The following CCDC110 variants were observed in gnomAD, a reference collection of about 807,000 sequenced individuals.
The protein encoded by CCDC110 is coiled-coil domain containing 110, also known as coiled-coil domain-containing protein 110.
Under a neutral mutation model 77.1 loss-of-function variants are expected in CCDC110, and 70 were observed. The observed-to-expected ratio is 0.91, with a 90% CI of 0.75 to 1.11. The LOEUF (loss-of-function observed/expected upper bound fraction) is 1.11. Among genes scored for constraint, CCDC110 ranks in the 50% least tolerant of loss-of-function variants. The pLI, the probability that CCDC110 is intolerant of heterozygous loss-of-function variation, is 0.00. For missense variants in CCDC110, 868 were observed against 942.9 expected (o/e 0.92, Z 1.04); for synonymous variants, 295 against 312.5 (o/e 0.94, Z 0.59).
intron 2 of CCDC110, among the ~76,000 whole-genome samples, chr4:185,465,263 C>T (rs1029528507): frequency 2.6e-5 from 4 of 152,160 alleles, no homozygotes; most frequent in African/African-American, 9.7e-5. Flanking sequence ...TACAGATTTC[C>T]TTTCATTAGG....
chr4:185,454,344 C>T (rs2095633163), intron 6 of CCDC110, among the ~76,000 whole-genome samples: 1 of 152,150 alleles, frequency 6.6e-6, no homozygotes, highest in Non-Finnish European at 1.5e-5. Flanking sequence ...ATATATTATC[C>T]TCCCTCCCCC....
intron 5 of CCDC110, among the ~76,000 whole-genome samples, chr4:185,460,557 C>T (rs1004665130): frequency 2.0e-5 from 3 of 152,144 alleles, no homozygotes; most frequent in Non-Finnish European, 4.4e-5. Flanking sequence ...AAGATGGAAC[C>T]GATAGGTCAA....
intron 1 of CCDC110, 49 bp from the exon 2 acceptor site, chr4:185,471,098 G>A (rs759699091): frequency 3.1e-4 from 267 of 870,308 alleles, no homozygotes; most frequent in Non-Finnish European, 4.3e-4. Context: ...GTGGCGTGGC[G>A]GGGCTGAAGG....
Position 185,458,722 on chromosome 4 carries a change from A to G in CCDC110, c.1865T>C (p.Leu622Ser), listed in dbSNP as rs766240554. 1.2e-6 allele frequency: 2 copies of G among 1,603,990 alleles called. No individual in the cohort carries two copies. Among genetic ancestry groups the G allele is most frequent in the African/African-American group, 2.7e-5 (2 of 74,156 alleles). Residue 622 changes from leucine (L) to serine (S), a missense_variant, in exon 6 of 7, where the codon TTG becomes TCG. By Grantham distance (145) the Leu-to-Ser change is moderately radical. Coordinates refer to ENST00000307588, the MANE Select transcript of CCDC110 (RefSeq NM_152775.4). ...EIIQLKEKER[L>S]AKTEQETLLQ... ...AAGTGTCTCTTGTTCCGTTTTTGCC[A>G]ATCTTTCTTTCTCTTTTAGCTGGAT...
Position 185,463,059 on chromosome 4 carries a change from A to T in CCDC110, c.116-10T>A. On this transcript the variant is annotated splice_polypyrimidine_tract_variant and intron_variant, in intron 2 of 6. Coordinates refer to ENST00000307588, the MANE Select transcript of CCDC110 (RefSeq NM_152775.4). ...GCTATGCAGCCATATTCTAAGAAGC[A>T]AAATTGAAAAACCATGTGACTTAAT... is the stretch of plus-strand genomic sequence containing the variant. 1 of 1,607,008 alleles carries T rather than the reference A, an allele frequency of 6.2e-7. No homozygotes were observed. The highest frequency in any genetic ancestry group is 8.5e-7 in the Non-Finnish European group (1 of 1,174,838).
At chr4:185,471,444 G>A (rs1459813332) in intron 1 of CCDC110, 3 of 486,690 alleles carry the variant, frequency 6.2e-6, no homozygotes, top group East Asian at 3.7e-5. Flanking sequence ...CCGAGGGCGC[G>A]CTGGGCGGGC....
chr4:185,453,722 T>C (rs1023302847), intron 6 of CCDC110, among the ~76,000 whole-genome samples: 13 of 151,940 alleles, frequency 8.6e-5, no homozygotes, highest in African/African-American at 3.1e-4. Flanking sequence ...TTTTTCAAAT[T>C]TTCTGTGGAG....
At chr4:185,448,212 G>A (rs2095620077) in intron 6 of CCDC110, among the ~76,000 whole-genome samples, 2 of 152,030 alleles carry the variant, frequency 1.3e-5, no homozygotes, top group Admixed American at 1.3e-4. Context: ...GTAGAGAAGG[G>A]GTTTTGCCGT....
At chr4:185,454,721 TAAAAAA>T (rs1169978836) in intron 6 of CCDC110, among the ~76,000 whole-genome samples, 5 of 151,922 alleles carry the variant, frequency 3.3e-5, no homozygotes, top group African/African-American at 9.7e-5. Flanking sequence ...CTCAAAAAAA[TAAAAAA>T]GAAAGAAAGT....
At chr4:185,467,024 A>T (rs1286468589) in intron 2 of CCDC110, among the ~76,000 whole-genome samples, 4 of 152,210 alleles carry the variant, frequency 2.6e-5, no homozygotes, top group African/African-American at 9.7e-5. Flanking sequence ...TACTTTTTTC[A>T]TATAGAGTGG....
intron 6 of CCDC110, among the ~76,000 whole-genome samples, chr4:185,452,823 A>C (rs1458159995): frequency 7.2e-6 from 1 of 138,480 alleles, no homozygotes; most frequent in Non-Finnish European, 1.5e-5. Context: ...TGAGCCTGTG[A>C]GGCGGAGGTT....
At chr4:185,461,267 A>G (rs2095645948) in intron 4 of CCDC110, 108 bp from the exon 5 acceptor site, 1 of 569,306 alleles carries the variant, frequency 1.8e-6, no homozygotes, top group Non-Finnish European at 3.1e-6. Context: ...TCCTGCCCAT[A>G]AACAGTCTTT....
At chr4:185,464,157 G>A (rs554708829) in intron 2 of CCDC110, among the ~76,000 whole-genome samples, 6 of 152,270 alleles carry the variant, frequency 3.9e-5, no homozygotes, top group South Asian at 2.1e-4. Context: ...ATGATGGAAC[G>A]TTCCCCTAGG....
intron 2 of CCDC110, among the ~76,000 whole-genome samples, chr4:185,465,024 C>T (rs191205918): frequency 1.1e-3 from 174 of 152,288 alleles, no homozygotes; most frequent in Non-Finnish European, 2.0e-3. Flanking sequence ...TCCTTCCATG[C>T]CTACTTCCCT....
chr4:185,447,479 C>A (rs1049435780), intron 6 of CCDC110, among the ~76,000 whole-genome samples: 1 of 151,998 alleles, frequency 6.6e-6, no homozygotes. Flanking sequence ...CACGCCCGGC[C>A]GATTTTATAT....
chr4:185,471,621 C>T (rs2095668240), intron 1 of CCDC110, 53 bp downstream of exon 1: 2 of 1,545,556 alleles, frequency 1.3e-6, no homozygotes, highest in Non-Finnish European at 1.7e-6. Flanking sequence ...TGCCCTTCTG[C>T]TGCCCTCCGT....
intron 4 of CCDC110, among the ~76,000 whole-genome samples, chr4:185,461,959 A>G (rs1176249677): frequency 1.3e-5 from 2 of 152,172 alleles, no homozygotes; most frequent in Non-Finnish European, 2.9e-5. Flanking sequence ...TTAACCAGGC[A>G]TGGTGGTGGG....
chr4:185,458,570 C>T lies in CCDC110; in HGVS notation c.2017G>A (p.Glu673Lys), dbSNP rs546423737. 17 of 1,608,052 alleles carry T rather than the reference C, an allele frequency of 1.1e-5. No individual in the cohort carries two copies. Among genetic ancestry groups the T allele is most frequent in the African/African-American group, 2.7e-5 (2 of 74,960 alleles). ...TTTATTTCTTGCAGAAAATTCTCTTCGGCAGTAGATTGGTAGGTTTGAATA... is the reference window on the plus strand; with the variant it reads ...TTTATTTCTTGCAGAAAATTCTCTTTGGCAGTAGATTGGTAGGTTTGAATA... ...ENIQTYQSTAEENFLQEIKNA... is the reference protein window; with the variant it reads ...ENIQTYQSTAKENFLQEIKNA... The change falls in exon 6 of 7, where the codon GAA becomes AAA. Residue 673 changes from glutamate (E) to lysine (K), a missense_variant. Transcript: ENST00000307588.
Position 185,459,831 on chromosome 4 carries a change from A to G in CCDC110, c.756T>C (p.Leu252=). ...CHSIKQMKEE[L]QKSHDGEVAL... ...CCACTTCCCCATCATGTGACTTTTG[A>G]AGCTCTTCTTTCATTTGTTTGATAG... The change falls in exon 6 of 7, where the codon CTT becomes CTC. Residue 252 remains leucine (L), a synonymous_variant. Coordinates refer to ENST00000307588, the MANE Select transcript of CCDC110 (RefSeq NM_152775.4). 1.2e-6 allele frequency: 2 copies of G among 1,613,366 alleles called. No individual in the cohort carries two copies. The highest frequency in any genetic ancestry group is 1.1e-5 in the South Asian group (1 of 90,762).
Sources: gnomAD v4.1 joint callset for allele counts (sites outside exome capture counted in the v4.1 genomes callset) on GRCh38, gnomAD v4.1.1 for gene constraint, MANE v1.5 for transcripts, NCBI Gene and HGNC (gene_info 2026-07-23, HGNC 2026-07-21) for gene names.